F8: variants seen among roughly 807,000 people sequenced by gnomAD.
F8 encodes coagulation factor VIII.
In F8, 12 loss-of-function variants were observed where a neutral mutation model predicts 140.6. The observed-to-expected ratio is 0.09, with a 90% CI of 0.05 to 0.14. The LOEUF (loss-of-function observed/expected upper bound fraction) is 0.14. Ranked by LOEUF, F8 falls within the 10% of genes least tolerant of loss-of-function variation. F8 has a pLI of 1.00. For missense variants in F8, 1,354 were observed against 1,720.7 expected, an observed-to-expected ratio of 0.79 and a Z score of 3.77; for synonymous variants, 585 against 614.6, an observed-to-expected ratio of 0.95 and a Z score of 0.71.
chrX:154,960,208 C>G (rs376450192), intron 10 of F8, among the ~76,000 whole-genome samples: 29 of 111,404 alleles, frequency 2.6e-4, no homozygotes, highest in African/African-American at 9.1e-4. Flanking sequence ...ACTGAAACAA[C>G]TTGAATGGAA....
chrX:154,991,656 G>A (rs2073589048), intron 4 of F8, among the ~76,000 whole-genome samples: 1 of 111,538 alleles, frequency 9.0e-6, no homozygotes, highest in Non-Finnish European at 1.9e-5. Context: ...TGTTCCATTA[G>A]CCTTTACATC....
At chrX:154,913,956 C>T (rs191063468) in intron 14 of F8, among the ~76,000 whole-genome samples, 3 of 113,031 alleles carry the variant, frequency 2.7e-5, no homozygotes, top group African/African-American at 9.6e-5. Flanking sequence ...GGGCTCCCAC[C>T]CCACATTTCT....
chrX:155,020,106 G>T (rs994568202), intron 1 of F8, among the ~76,000 whole-genome samples: 1 of 110,579 alleles, frequency 9.0e-6, no homozygotes, highest in Admixed American at 9.6e-5. Flanking sequence ...GAATAGTGAG[G>T]ATTGCTTTCA....
At chrX:155,018,624 G>A (rs1053362700) in intron 1 of F8, among the ~76,000 whole-genome samples, 5 of 112,010 alleles carry the variant, frequency 4.5e-5, no homozygotes, top group Non-Finnish European at 5.6e-5. Flanking sequence ...AATAAGAAAG[G>A]GCACATAACT....
At chrX:154,927,693 T>A (rs1339034739) in intron 14 of F8, among the ~76,000 whole-genome samples, 1 of 112,268 alleles carries the variant, frequency 8.9e-6, no homozygotes, top group Non-Finnish European at 1.9e-5. Context: ...AATGCAGCAA[T>A]AAGGGCTTAC....
At chrX:154,838,195 C>T (rs17281377) in intron 25 of F8, among the ~76,000 whole-genome samples, 7,131 of 111,850 alleles carry the variant, frequency 0.064, 248 homozygotes, top group Non-Finnish European at 0.098. Context: ...AGAATGATAA[C>T]GAATGCAACA....
chrX:154,861,616 C>G (rs1186856044), intron 24 of F8, 102 bp downstream of exon 24: 7 of 1,009,845 alleles, frequency 6.9e-6, no homozygotes, highest in Admixed American at 2.2e-5. Context: ...TTAGAACTAA[C>G]AGTTGACAGA....
chrX:154,987,043 G>A (rs782081030), intron 5 of F8, among the ~76,000 whole-genome samples, 194 bp downstream of exon 5: 2 of 112,009 alleles, frequency 1.8e-5, no homozygotes, highest in Non-Finnish European at 3.8e-5. Context: ...CCGTTATCCA[G>A]CTCCTCTATC....
At chrX:154,925,696 T>C (rs1380262291) in intron 14 of F8, among the ~76,000 whole-genome samples, 2 of 112,712 alleles carry the variant, frequency 1.8e-5, no homozygotes, top group Non-Finnish European at 3.8e-5. Flanking sequence ...TTTCTCCCAT[T>C]TGGAATGGCT....
intron 13 of F8, among the ~76,000 whole-genome samples, chrX:154,938,502 T>C (rs1022468219): frequency 6.3e-5 from 7 of 111,900 alleles, no homozygotes; most frequent in Non-Finnish European, 1.3e-4. Flanking sequence ...ATTTAAAATA[T>C]GTAGAAAGAA....
At chrX:154,923,841 A>G (rs1408498897) in intron 14 of F8, among the ~76,000 whole-genome samples, 1 of 111,622 alleles carries the variant, frequency 9.0e-6, no homozygotes, top group Admixed American at 9.5e-5. Context: ...ATGTGGTGGC[A>G]CATGCCTGTA....
At chrX:155,012,346 G>T (rs2073710002) in intron 1 of F8, among the ~76,000 whole-genome samples, 1 of 111,810 alleles carries the variant, frequency 8.9e-6, no homozygotes, top group Non-Finnish European at 1.9e-5. Context: ...GCCTTGCTTT[G>T]TTGCTCAGGC....
At chrX:154,879,703 G>A (rs1164764834) in intron 22 of F8, among the ~76,000 whole-genome samples, 5 of 111,808 alleles carry the variant, frequency 4.5e-5, no homozygotes, top group Non-Finnish European at 1.9e-5. Context: ...ATCTCACATC[G>A]AATTGTAATC....
At chrX:155,004,961 T>C in intron 1 of F8, among the ~76,000 whole-genome samples, 1 of 111,235 alleles carries the variant, frequency 9.0e-6, no homozygotes, top group Admixed American at 9.5e-5. Flanking sequence ...CGAAGTAAAA[T>C]ATATGGTTTT....
At chrX:154,861,302 TCAACTC>T (rs2072689268) in intron 24 of F8, among the ~76,000 whole-genome samples, 1 of 111,833 alleles carries the variant, frequency 8.9e-6, no homozygotes, top group Admixed American at 9.5e-5. Context: ...TCTCTCTTAT[TCAACTC>T]TAAGCAACTT....
intron 14 of F8, among the ~76,000 whole-genome samples, chrX:154,915,957 T>G (rs1557277076): frequency 8.9e-6 from 1 of 112,171 alleles, no homozygotes; most frequent in Non-Finnish European, 1.9e-5. Flanking sequence ...ATATATAACA[T>G]TTACTGTTTT....
chrX:154,907,756 G>C (rs1425988308), intron 14 of F8, among the ~76,000 whole-genome samples: 4 of 111,468 alleles, frequency 3.6e-5, no homozygotes, highest in African/African-American at 1.3e-4. Flanking sequence ...TGAATCAAAA[G>C]AGTACCCTAT....
rs5986894 is a variant in F8 at position 154,944,706 on chromosome X, G to A, written c.2113+2992C>T. On this transcript the variant is annotated intron_variant, in intron 13 of 25. Coordinates refer to ENST00000360256, the MANE Select transcript of F8 (RefSeq NM_000132.4). Reference sequence around the variant, plus strand: ...AAGGACTATAAATCATGCTGCTATAGAGACACATGCACACGTATGTTTATA... The same window carrying A: ...AAGGACTATAAATCATGCTGCTATAAAGACACATGCACACGTATGTTTATA... 9.6e-3 allele frequency among the ~76,000 whole-genome samples: 1,070 copies of A among 111,051 alleles called. 15 individuals carry two copies. Among genetic ancestry groups the A allele is most frequent in the African/African-American group, 0.034 (1,025 of 30,433 alleles).
intron 22 of F8, among the ~76,000 whole-genome samples, chrX:154,879,303 A>AC (rs2072841459): frequency 8.9e-6 from 1 of 112,282 alleles, no homozygotes; most frequent in East Asian, 2.8e-4. Context: ...ATATATATAA[A>AC]TGGAATAGAA....
Sources: gnomAD v4.1 joint callset for allele counts (sites outside exome capture counted in the v4.1 genomes callset) on GRCh38, gnomAD v4.1.1 for gene constraint, MANE v1.5 for transcripts, NCBI Gene and HGNC (gene_info 2026-07-23, HGNC 2026-07-21) for gene names.